The following FARP1 variants were observed in gnomAD, a reference collection of about 807,000 sequenced individuals.
FARP1 encodes FERM, ARHGEF and pleckstrin domain-containing protein 1.
Under a neutral mutation model 128.8 loss-of-function variants are expected in FARP1, and 52 were observed. The ratio of observed to expected loss-of-function variants is 0.40; its 90% confidence interval spans 0.32 to 0.51. The LOEUF (loss-of-function observed/expected upper bound fraction) is 0.51. Among genes scored for constraint, FARP1 ranks in the 20% least tolerant of loss-of-function variants. The probability of loss-of-function intolerance (pLI) is 0.45; values close to 1 mark genes in which losing one functional copy is unlikely to be tolerated. For synonymous variants in FARP1, 580 were observed against 551.8 expected, an observed-to-expected ratio of 1.05 and a Z score of -0.72; for missense variants, 1,333 against 1,367.9, an observed-to-expected ratio of 0.97 and a Z score of 0.40.
At chr13:98,305,301 A>G (rs1176410896) in intron 2 of FARP1, among the ~76,000 whole-genome samples, 2 of 151,490 alleles carry the variant, frequency 1.3e-5, no homozygotes, top group South Asian at 4.2e-4. Context: ...TCGCACTTTC[A>G]ATGCCATGAC....
At chr13:98,153,273 T>TTA (rs1555322237) in intron 1 of FARP1, among the ~76,000 whole-genome samples, 4 of 35,716 alleles carry the variant, frequency 1.1e-4, no homozygotes, top group South Asian at 3.4e-3. Context: ...ATAATAACCT[T>TTA]TATATATATA....
At chr13:98,191,424 T>G (rs79036533) in intron 1 of FARP1, among the ~76,000 whole-genome samples, 5,394 of 152,254 alleles carry the variant, frequency 0.035, 308 homozygotes, top group African/African-American at 0.12. Context: ...CAGGGTTGAC[T>G]TGAGAACTCT....
At chr13:98,439,288 G>C in intron 21 of FARP1, 92 bp downstream of exon 21, 1 of 821,720 alleles carries the variant, frequency 1.2e-6, no homozygotes, top group East Asian at 2.5e-5. Flanking sequence ...GAAGGAGACT[G>C]GATAGGGAGG....
chr13:98,252,784 A>G (rs1386651675), intron 2 of FARP1, among the ~76,000 whole-genome samples: 15 of 152,202 alleles, frequency 9.9e-5, no homozygotes, highest in African/African-American at 2.4e-5. Flanking sequence ...TTTAAGGAAG[A>G]TTATCTATTA....
At position 98,395,193 on chromosome 13, in the gene FARP1, T is replaced by A. The variant is rs767174443; in HGVS notation, c.1165-34T>A. 3.2e-6 allele frequency: 5 copies of A among 1,562,650 alleles called. No individual in the cohort carries two copies. In the South Asian group the frequency reaches 3.5e-5, roughly 11 times the overall value. ...TTGGAATAACAGTCTCCCTCTTCTC[T>A]ATCTCTCCGCACCTTTTTCCCCACC... is the stretch of plus-strand genomic sequence containing the variant. On this transcript the variant is annotated intron_variant, in intron 12 of 26. Transcript: ENST00000319562.
At chr13:98,285,641 G>C (rs531134713) in intron 2 of FARP1, among the ~76,000 whole-genome samples, 1 of 151,270 alleles carries the variant, frequency 6.6e-6, no homozygotes, top group Non-Finnish European at 1.5e-5. Flanking sequence ...TTTGTTTTGC[G>C]TATTTGGTCT....
chr13:98,262,778 C>A (rs1594334615), intron 2 of FARP1, among the ~76,000 whole-genome samples: 1 of 152,046 alleles, frequency 6.6e-6, no homozygotes. Flanking sequence ...ATCTGTCAGG[C>A]CTGATCTCTG....
chr13:98,244,963 C>T, intron 2 of FARP1: 1 of 1,266,422 alleles, frequency 7.9e-7, no homozygotes, highest in South Asian at 2.2e-5. Flanking sequence ...AGCAATACAG[C>T]TTTTCTGCTG....
intron 1 of FARP1, among the ~76,000 whole-genome samples, chr13:98,178,863 A>C (rs1878298925): frequency 6.6e-6 from 1 of 152,188 alleles, no homozygotes; most frequent in Non-Finnish European, 1.5e-5. Context: ...TTTTTCTTCA[A>C]CTGTTATCAT....
At chr13:98,164,958 T>C (rs563234325) in intron 1 of FARP1, among the ~76,000 whole-genome samples, 1 of 152,270 alleles carries the variant, frequency 6.6e-6, no homozygotes, top group South Asian at 2.1e-4. Context: ...TGCATGACTG[T>C]AATCCCAGCC....
rs1893271179 is a variant in FARP1 at position 98,453,058 on chromosome 13, C to T, written c.*4741C>T. 10 of 1,233,348 alleles carry T rather than the reference C, an allele frequency of 8.1e-6. No homozygotes were observed. Among genetic ancestry groups the T allele is most frequent in the Non-Finnish European group, 1.2e-5 (10 of 865,542 alleles). 76.4% of individuals were successfully genotyped at this position (1,233,348 alleles called of 1,614,324 possible). ...GGACGGGCGCCTGGCGCTGGGGTGG[C>T]TCCCAGTGGCGCACCTCTTCGGTGG... On this transcript the variant is annotated 3_prime_UTR_variant, in exon 27 of 27. Transcript: ENST00000319562.
At chr13:98,255,153 C>CA (rs1176831421) in intron 2 of FARP1, among the ~76,000 whole-genome samples, 1 of 151,830 alleles carries the variant, frequency 6.6e-6, no homozygotes, top group African/African-American at 2.4e-5. Context: ...ATAGCCAAGA[C>CA]AAAAAAATTG....
intron 6 of FARP1, among the ~76,000 whole-genome samples, chr13:98,379,444 C>G (rs1454600662): frequency 6.6e-6 from 1 of 151,184 alleles, no homozygotes; most frequent in African/African-American, 2.4e-5. Context: ...TCTGGCAGAC[C>G]TGATTTCTGT....
chr13:98,185,012 T>C (rs898450149), intron 1 of FARP1, among the ~76,000 whole-genome samples: 13 of 152,294 alleles, frequency 8.5e-5, no homozygotes. Context: ...CATGACATCA[T>C]TGCACACAGA....
intron 6 of FARP1, among the ~76,000 whole-genome samples, chr13:98,380,297 A>C (rs542579781): frequency 1.5e-4 from 23 of 151,962 alleles, no homozygotes; most frequent in African/African-American, 5.3e-4. Flanking sequence ...AAATACAAAA[A>C]TTAGCTGGGT....
At chr13:98,256,964 T>C (rs1208417608) in intron 2 of FARP1, among the ~76,000 whole-genome samples, 2 of 120,382 alleles carry the variant, frequency 1.7e-5, no homozygotes, top group African/African-American at 7.5e-5. Context: ...TATATATATA[T>C]ATATATATAT....
At chr13:98,445,439 C>G (rs117477130) in intron 24 of FARP1, 1 of 152,228 alleles carries the variant, frequency 6.6e-6, no homozygotes, top group South Asian at 2.1e-4. Context: ...TGCAGCGCAT[C>G]CTAACAATGC....
intron 1 of FARP1, among the ~76,000 whole-genome samples, chr13:98,209,092 T>C (rs76976639): frequency 0.081 from 12,263 of 152,190 alleles, 659 homozygotes; most frequent in South Asian, 0.2. Context: ...CACTGTAAGC[T>C]CCGCCTCCCG....
chr13:98,437,441 G>A (rs1255230370), intron 19 of FARP1, among the ~76,000 whole-genome samples: 5 of 151,904 alleles, frequency 3.3e-5, no homozygotes, highest in South Asian at 4.2e-4. Flanking sequence ...AGGCTTATTC[G>A]AGAAGTAGGA....
Sources: gnomAD v4.1 joint callset for allele counts (sites outside exome capture counted in the v4.1 genomes callset) on GRCh38, gnomAD v4.1.1 for gene constraint, MANE v1.5 for transcripts, NCBI Gene and HGNC (gene_info 2026-07-23, HGNC 2026-07-21) for gene names.